The following WDR49 variants were observed in gnomAD, a reference collection of about 807,000 sequenced individuals.
The protein encoded by WDR49 is cilia- and flagella-associated protein 337.
A neutral mutation model predicts 119.5 loss-of-function variants in WDR49; 107 were observed. That is an observed-to-expected ratio of 0.90 (90% CI 0.77 to 1.05). The LOEUF is 1.05. WDR49 is among the 50% of genes least tolerant of loss of function. The probability of loss-of-function intolerance (pLI) is 0.00; values close to 1 mark genes in which losing one functional copy is unlikely to be tolerated. For missense variants in WDR49, 1,240 were observed against 1,220.5 expected, an observed-to-expected ratio of 1.02 and a Z score of -0.24; for synonymous variants, 425 against 418.8, an observed-to-expected ratio of 1.01 and a Z score of -0.18.
At chr3:167,480,244 G>C (rs1396956835) in intron 18 of WDR49, among the ~76,000 whole-genome samples, 2 of 86,480 alleles carry the variant, frequency 2.3e-5, no homozygotes, top group African/African-American at 1.2e-4. Context: ...GAGAGACTCT[G>C]TCTAAAAAAA....
intron 6 of WDR49, 59 bp downstream of exon 6, chr3:167,604,242 A>T: frequency 6.3e-7 from 1 of 1,582,126 alleles, no homozygotes; most frequent in Non-Finnish European, 8.6e-7. Flanking sequence ...CATGCATACA[A>T]ATATACATCC....
chr3:167,482,691 A>AG (rs1458682339), intron 18 of WDR49, among the ~76,000 whole-genome samples: 1 of 151,944 alleles, frequency 6.6e-6, no homozygotes, highest in Non-Finnish European at 1.5e-5. Flanking sequence ...AAAAAAAAAA[A>AG]AAGCTAAACT....
Position 167,610,022 on chromosome 3 carries a change from C to CTCTTCAGCACAATACCTGATGCACAATA in WDR49, c.959-5555_959-5554insTATTGTGCATCAGGTATTGTGCTGAAGA, listed in dbSNP as rs144305728. ...ACCTGCTAACTGAAGAGCCCTTGTGCCCTGATGCAATATCCAGGTATTATA... is the reference window on the plus strand; with the variant it reads ...ACCTGCTAACTGAAGAGCCCTTGTGCTCTTCAGCACAATACCTGATGCACAATACCTGATGCAATATCCAGGTATTATA... On this transcript the variant is annotated intron_variant, in intron 5 of 18. Coordinates refer to ENST00000682715, the MANE Select transcript of WDR49 (RefSeq NM_001366157.1). Among the ~76,000 whole-genome samples, 1,278 of 152,302 alleles carry CTCTTCAGCACAATACCTGATGCACAATA rather than the reference C, an allele frequency of 8.4e-3. 83 individuals are homozygous for CTCTTCAGCACAATACCTGATGCACAATA. The East Asian group carries it at 0.17, about 21-fold the overall frequency.
chr3:167,546,691 CAAA>C (rs577403777), intron 10 of WDR49, among the ~76,000 whole-genome samples: 9 of 91,026 alleles, frequency 9.9e-5, no homozygotes, highest in Non-Finnish European at 7.3e-5. Context: ...CTGTCAAGTG[CAAA>C]AAAAAAAAAA....
intron 3 of WDR49, 79 bp downstream of exon 3, chr3:167,626,773 G>C (rs1717144157): frequency 1.8e-6 from 2 of 1,129,028 alleles, no homozygotes; most frequent in African/African-American, 1.6e-5. Flanking sequence ...GCAGCTTTCT[G>C]TTACTGCTAG....
chr3:167,532,024 T>C (rs1259946406), intron 12 of WDR49, among the ~76,000 whole-genome samples: 2 of 152,174 alleles, frequency 1.3e-5, no homozygotes, highest in South Asian at 4.1e-4. Context: ...CAAGTTCAGA[T>C]GAATCTTAAA....
chr3:167,629,803 A>G (rs1303892174), intron 2 of WDR49, among the ~76,000 whole-genome samples: 1 of 152,086 alleles, frequency 6.6e-6, no homozygotes, highest in Admixed American at 6.6e-5. Context: ...GTAACTGCGG[A>G]TGTGGTAGAA....
At chr3:167,485,408 G>C (rs1750883656) in intron 18 of WDR49, among the ~76,000 whole-genome samples, 1 of 151,586 alleles carries the variant, frequency 6.6e-6, no homozygotes. Context: ...AAAAGAAAAT[G>C]TATGTATACT....
At chr3:167,635,053 A>G (rs1717549176) in intron 2 of WDR49, among the ~76,000 whole-genome samples, 1 of 151,768 alleles carries the variant, frequency 6.6e-6, no homozygotes, top group Non-Finnish European at 1.5e-5. Flanking sequence ...AAGACATACA[A>G]TTATTTATAA....
At position 167,509,973 on chromosome 3, in the gene WDR49, T is replaced by C. The variant is rs1198029221; in HGVS notation, c.2775-4557A>G. On this transcript the variant is annotated intron_variant, in intron 16 of 18. Coordinates refer to ENST00000682715, the MANE Select transcript of WDR49 (RefSeq NM_001366157.1). ...TTATAAAATGTACATTTTTTCATTG[T>C]TGTAAGTATGCCTAAAGCAAGGTCT... Among the ~76,000 whole-genome samples the C allele has an allele frequency of 2.6e-5, 4 of 152,240 alleles. No homozygotes were observed. In the East Asian group the frequency reaches 7.7e-4, roughly 29 times the overall value.
At chr3:167,651,128 C>G (rs1395321457) in intron 2 of WDR49, among the ~76,000 whole-genome samples, 3 of 152,118 alleles carry the variant, frequency 2.0e-5, no homozygotes, top group Non-Finnish European at 4.4e-5. Flanking sequence ...CTGCATAATT[C>G]AAAGACCCAA....
At chr3:167,589,627 C>T (rs922459706) in intron 7 of WDR49, among the ~76,000 whole-genome samples, 1 of 151,892 alleles carries the variant, frequency 6.6e-6, no homozygotes, top group Non-Finnish European at 1.5e-5. Context: ...ATGTTTTATA[C>T]TTTTCATCAT....
intron 10 of WDR49, among the ~76,000 whole-genome samples, chr3:167,537,299 CAA>C (rs1352619873): frequency 6.6e-6 from 1 of 152,092 alleles, no homozygotes; most frequent in Non-Finnish European, 1.5e-5. Flanking sequence ...GACCCTAAAG[CAA>C]AGTTTCCCCA....
chr3:167,531,303 A>G, intron 12 of WDR49, 24 bp from the exon 13 acceptor site: 3 of 1,608,310 alleles, frequency 1.9e-6, no homozygotes, highest in Non-Finnish European at 2.5e-6. Flanking sequence ...AAAGCCAAGT[A>G]TATTAATGAA....
intron 2 of WDR49, among the ~76,000 whole-genome samples, chr3:167,640,848 G>A (rs991851410): frequency 1.3e-5 from 2 of 151,712 alleles, no homozygotes; most frequent in African/African-American, 4.8e-5. Flanking sequence ...AGGGTTGCAT[G>A]GTAATAAAGT....
chr3:167,647,719 G>C (rs948287747), intron 2 of WDR49, among the ~76,000 whole-genome samples: 1 of 152,178 alleles, frequency 6.6e-6, no homozygotes, highest in Non-Finnish European at 1.5e-5. Flanking sequence ...AATTGACTGA[G>C]GCTGCAGAAT....
chr3:167,614,098 C>A (rs1236877179), intron 5 of WDR49, among the ~76,000 whole-genome samples: 1 of 152,004 alleles, frequency 6.6e-6, no homozygotes, highest in African/African-American at 2.4e-5. Context: ...TTTCTTGTCC[C>A]CCCTCCTGCG....
intron 18 of WDR49, among the ~76,000 whole-genome samples, chr3:167,483,265 T>C (rs142045547): frequency 1.4e-3 from 214 of 152,320 alleles, no homozygotes; most frequent in South Asian, 7.9e-3. Context: ...ATTAGCACTT[T>C]AGAATCACAA....
chr3:167,536,649 T>C (rs1047661668), intron 11 of WDR49, among the ~76,000 whole-genome samples: 2 of 150,020 alleles, frequency 1.3e-5, no homozygotes, highest in Non-Finnish European at 3.0e-5. Context: ...CACTGCACTC[T>C]AGCCTGGGCA....
Sources: gnomAD v4.1 joint callset for allele counts (sites outside exome capture counted in the v4.1 genomes callset) on GRCh38, gnomAD v4.1.1 for gene constraint, MANE v1.5 for transcripts, NCBI Gene and HGNC (gene_info 2026-07-23, HGNC 2026-07-21) for gene names.